The following DIP2C variants were observed in gnomAD, a reference collection of about 807,000 sequenced individuals.
DIP2C encodes disco-interacting protein 2 homolog C.
A neutral mutation model predicts 192.4 loss-of-function variants in DIP2C; 33 were observed. The observed-to-expected ratio is 0.17, with a 90% CI of 0.13 to 0.23. DIP2C has a LOEUF of 0.23. DIP2C is among the 10% of genes least tolerant of loss of function. The pLI is 1.00. For synonymous variants in DIP2C, 979 were observed against 864.1 expected, an observed-to-expected ratio of 1.13 and a Z score of -2.33; for missense variants, 1,537 against 2,110.1, an observed-to-expected ratio of 0.73 and a Z score of 5.32.
chr10:534,668 A>ATTTTTTTTTTTTTTTT (rs66643213), intron 1 of DIP2C, among the ~76,000 whole-genome samples: 1 of 130,662 alleles, frequency 7.7e-6, no homozygotes. Flanking sequence ...CTGGATGATT[A>ATTTTTTTTTTTTTTTT]TTATTTTTTT....
chr10:522,930 G>A (rs1846802048), intron 1 of DIP2C, among the ~76,000 whole-genome samples: 1 of 151,478 alleles, frequency 6.6e-6, no homozygotes, highest in African/African-American at 2.4e-5. Flanking sequence ...ACCCTGGAGT[G>A]AGGGAACTGT....
intron 1 of DIP2C, among the ~76,000 whole-genome samples, chr10:551,895 G>A (rs776847474): frequency 1.3e-5 from 2 of 152,210 alleles, no homozygotes; most frequent in Admixed American, 6.5e-5. Flanking sequence ...TTCAGATGCT[G>A]CAGGCCCCTG....
At chr10:681,475 G>A (rs1411111249) in intron 1 of DIP2C, among the ~76,000 whole-genome samples, 2 of 146,974 alleles carry the variant, frequency 1.4e-5, no homozygotes, top group African/African-American at 5.1e-5. Flanking sequence ...AGGGAACATA[G>A]ACCCCAGTCC....
At chr10:605,177 G>A (rs559033399) in intron 1 of DIP2C, among the ~76,000 whole-genome samples, 7 of 152,290 alleles carry the variant, frequency 4.6e-5, no homozygotes, top group African/African-American at 7.2e-5. Context: ...TGGTCACTCC[G>A]CCGGCTGCAC....
Position 565,354 on chromosome 10 carries a change from T to TAAAAAAAAAAAAAAAAAAAAAAAAAAA in DIP2C, c.86-78825_86-78824insTTTTTTTTTTTTTTTTTTTTTTTTTTT, listed in dbSNP as rs59721670. Among the ~76,000 whole-genome samples, 25 of 114,096 alleles carry TAAAAAAAAAAAAAAAAAAAAAAAAAAA rather than the reference T, an allele frequency of 2.2e-4. 3 individuals carry two copies. The highest frequency in any genetic ancestry group is 9.0e-4 in the African/African-American group (24 of 26,666). 74.9% of individuals were successfully genotyped at this position (114,096 alleles called of 152,430 possible). ...AAAATATGAAACAGTACCTGCATTC[T>TAAAAAAAAAAAAAAAAAAAAAAAAAAA]AAAAAAAAAAAAAAAAAGACCTAGA... is the stretch of plus-strand genomic sequence containing the variant. On this transcript the variant is annotated intron_variant, in intron 1 of 36. Transcript: ENST00000280886.
At chr10:627,100 G>A (rs1463240809) in intron 1 of DIP2C, among the ~76,000 whole-genome samples, 3 of 152,214 alleles carry the variant, frequency 2.0e-5, no homozygotes, top group East Asian at 3.9e-4. Context: ...GAAAATCCGC[G>A]TGGGGCTCAG....
At chr10:335,732 C>G (rs565864841) in intron 29 of DIP2C, among the ~76,000 whole-genome samples, 5 of 152,202 alleles carry the variant, frequency 3.3e-5, no homozygotes, top group African/African-American at 4.8e-5. Context: ...CTGAGGTTTG[C>G]CTGGACCAGC....
intron 1 of DIP2C, among the ~76,000 whole-genome samples, chr10:589,170 A>G (rs951198432): frequency 6.6e-6 from 1 of 152,130 alleles, no homozygotes; most frequent in Non-Finnish European, 1.5e-5. Context: ...CCCGCTTTTA[A>G]GTCAGGTGGT....
In DIP2C at chr10:314,873, T is replaced by C. The variant is rs561015598; in HGVS notation, c.3925-4781A>G. Reference sequence around the variant, plus strand: ...TCTTATACTACTGCATTAGGGATTATAGTTCAACACAGAAGTTTTGGAGGG... The same window carrying C: ...TCTTATACTACTGCATTAGGGATTACAGTTCAACACAGAAGTTTTGGAGGG... On this transcript the variant is annotated intron_variant, in intron 31 of 36. Coordinates refer to ENST00000280886, the MANE Select transcript of DIP2C (RefSeq NM_014974.3). Among the ~76,000 whole-genome samples, 4 of 152,220 alleles carry C rather than the reference T, an allele frequency of 2.6e-5. No homozygotes were observed. In the East Asian group the frequency reaches 5.8e-4, roughly 22 times the overall value.
intron 3 of DIP2C, among the ~76,000 whole-genome samples, chr10:464,352 A>G (rs1970039044): frequency 6.6e-6 from 1 of 152,314 alleles, no homozygotes; most frequent in Non-Finnish European, 1.5e-5. Flanking sequence ...ACACTTCTCA[A>G]AAGAAGACAT....
intron 1 of DIP2C, among the ~76,000 whole-genome samples, chr10:566,240 T>C (rs1458250844): frequency 6.6e-6 from 1 of 152,214 alleles, no homozygotes; most frequent in African/African-American, 2.4e-5. Context: ...AAACAATTTT[T>C]TGCCCCTTTT....
At chr10:639,528 A>G (rs1855047123) in intron 1 of DIP2C, among the ~76,000 whole-genome samples, 1 of 152,220 alleles carries the variant, frequency 6.6e-6, no homozygotes. Context: ...TATCAGCCGC[A>G]TATGCACATT....
chr10:545,534 G>T (rs1383437928), intron 1 of DIP2C, among the ~76,000 whole-genome samples: 1 of 152,052 alleles, frequency 6.6e-6, no homozygotes, highest in Non-Finnish European at 1.5e-5. Context: ...AACCCATGAG[G>T]ACACAGAGAA....
intron 2 of DIP2C, among the ~76,000 whole-genome samples, chr10:480,777 A>T (rs901279039): frequency 1.4e-4 from 22 of 152,236 alleles, no homozygotes; most frequent in African/African-American, 5.3e-4. Context: ...CTGTGGCAGA[A>T]CACGTCTCCG....
chr10:526,379 C>T (rs1271168301), intron 1 of DIP2C, among the ~76,000 whole-genome samples: 1 of 152,118 alleles, frequency 6.6e-6, no homozygotes, highest in Non-Finnish European at 1.5e-5. Flanking sequence ...ATGTTAAATA[C>T]ATGAAAACAT....
At chr10:335,406 G>T (rs1333755877) in intron 29 of DIP2C, among the ~76,000 whole-genome samples, 2 of 152,102 alleles carry the variant, frequency 1.3e-5, no homozygotes, top group African/African-American at 2.4e-5. Flanking sequence ...GAAAACCAAC[G>T]CATTCCTCCT....
chr10:614,392 A>AC (rs1464513341), intron 1 of DIP2C, among the ~76,000 whole-genome samples: 4 of 152,162 alleles, frequency 2.6e-5, no homozygotes, highest in Non-Finnish European at 5.9e-5. Flanking sequence ...TGCACACAGT[A>AC]CCCAAGTCTA....
At chr10:524,076 C>T (rs983314981) in intron 1 of DIP2C, among the ~76,000 whole-genome samples, 13 of 141,018 alleles carry the variant, frequency 9.2e-5, no homozygotes, top group South Asian at 4.9e-4. Flanking sequence ...TCAGTTCTCA[C>T]GCCCAGCCGT....
chr10:537,939 GCCA>G (rs1006627922), intron 1 of DIP2C, among the ~76,000 whole-genome samples: 1 of 151,868 alleles, frequency 6.6e-6, no homozygotes, highest in African/African-American at 2.4e-5. Flanking sequence ...ACAGGCACGC[GCCA>G]CCATGCCTGG....
Sources: gnomAD v4.1 joint callset for allele counts (sites outside exome capture counted in the v4.1 genomes callset) on GRCh38, gnomAD v4.1.1 for gene constraint, MANE v1.5 for transcripts, NCBI Gene and HGNC (gene_info 2026-07-23, HGNC 2026-07-21) for gene names.